The following CSMD1 variants were observed in gnomAD, a reference collection of about 807,000 sequenced individuals.
The protein encoded by CSMD1 is CUB and Sushi multiple domains 1.
Under a neutral mutation model 417.5 loss-of-function variants are expected in CSMD1, and 213 were observed. The observed-to-expected ratio is 0.51, with a 90% CI of 0.46 to 0.57. CSMD1 has a LOEUF of 0.57. Among genes scored for constraint, CSMD1 ranks in the 20% least tolerant of loss-of-function variants. The probability of loss-of-function intolerance (pLI) is 0.00; values close to 1 mark genes in which losing one functional copy is unlikely to be tolerated. For synonymous variants in CSMD1, 2,862 were observed against 1,736.8 expected (o/e 1.65, Z -16.11); for missense variants, 6,923 against 4,529.7 (o/e 1.53, Z -15.17).
chr8:3,531,494 A>G (rs996967100), intron 10 of CSMD1, among the ~76,000 whole-genome samples: 16 of 152,324 alleles, frequency 1.1e-4, no homozygotes, highest in African/African-American at 3.4e-4. Context: ...GAGATTATTG[A>G]AATGCCCCAG....
intron 2 of CSMD1, among the ~76,000 whole-genome samples, chr8:4,629,095 G>C (rs1382257): frequency 0.86 from 131,115 of 152,164 alleles, 56,889 homozygotes; most frequent in African/African-American, 0.96. Context: ...ACTTAGACAT[G>C]TTTGAATTTT....
intron 2 of CSMD1, among the ~76,000 whole-genome samples, chr8:4,598,866 T>C (rs934682315): frequency 6.6e-6 from 1 of 152,136 alleles, no homozygotes; most frequent in East Asian, 1.9e-4. Flanking sequence ...TACTTTTACT[T>C]TTGTAGAAGA....
chr8:4,118,632 A>G (rs1019693278), intron 3 of CSMD1, among the ~76,000 whole-genome samples: 1 of 152,234 alleles, frequency 6.6e-6, no homozygotes, highest in Non-Finnish European at 1.5e-5. Flanking sequence ...AACACATTTT[A>G]CACTGTTGAT....
intron 2 of CSMD1, among the ~76,000 whole-genome samples, chr8:4,466,379 C>A (rs555688040): frequency 1.3e-5 from 2 of 151,894 alleles, no homozygotes; most frequent in Admixed American, 6.6e-5. Context: ...GGAGATGTAT[C>A]GGGGAGTTGA....
At chr8:4,164,895 A>C (rs1189357544) in intron 3 of CSMD1, among the ~76,000 whole-genome samples, 1 of 150,518 alleles carries the variant, frequency 6.6e-6, no homozygotes, top group East Asian at 1.9e-4. Flanking sequence ...AAAAAAATAT[A>C]TATATATGTA....
chr8:3,728,384 T>C (rs981901776), intron 6 of CSMD1, among the ~76,000 whole-genome samples: 10 of 152,170 alleles, frequency 6.6e-5, no homozygotes, highest in Admixed American at 3.3e-4. Flanking sequence ...TTACCCAGTA[T>C]TGGGTATGTC....
At chr8:4,611,690 C>A (rs1391008975) in intron 2 of CSMD1, among the ~76,000 whole-genome samples, 2 of 152,110 alleles carry the variant, frequency 1.3e-5, no homozygotes, top group Admixed American at 1.3e-4. Context: ...GTGTTTTCAT[C>A]ATGACTAAAG....
intron 1 of CSMD1, among the ~76,000 whole-genome samples, chr8:4,845,552 C>T (rs990679805): frequency 2.0e-5 from 3 of 152,210 alleles, no homozygotes; most frequent in East Asian, 1.9e-4. Context: ...CTTTGGCCTA[C>T]GTGGTTTCTT....
chr8:4,745,817 T>A (rs995770492), intron 1 of CSMD1, among the ~76,000 whole-genome samples: 1 of 152,154 alleles, frequency 6.6e-6, no homozygotes, highest in Non-Finnish European at 1.5e-5. Flanking sequence ...CTAGTACAAA[T>A]GAGGGGTGAA....
chr8:3,657,313 C>G (rs1448842719), intron 7 of CSMD1, among the ~76,000 whole-genome samples: 1 of 152,080 alleles, frequency 6.6e-6, no homozygotes, highest in East Asian at 1.9e-4. Context: ...ACAATAGCTA[C>G]AAATAAAATA....
intron 50 of CSMD1, among the ~76,000 whole-genome samples, chr8:3,045,036 T>A (rs1239249274): frequency 6.6e-6 from 1 of 152,180 alleles, no homozygotes; most frequent in Non-Finnish European, 1.5e-5. Flanking sequence ...GAATAAAAAT[T>A]AAATCGGTTT....
intron 10 of CSMD1, among the ~76,000 whole-genome samples, chr8:3,494,618 G>C (rs1003414649): frequency 4.0e-5 from 6 of 151,408 alleles, no homozygotes; most frequent in African/African-American, 1.2e-4. Flanking sequence ...ATGACAGATA[G>C]TAGATAGATG....
chr8:4,655,827 A>G lies in CSMD1; in HGVS notation c.86-18269T>C, dbSNP rs6990840. Among the ~76,000 whole-genome samples, 1,002 of 152,282 alleles carry G rather than the reference A, an allele frequency of 6.6e-3. 16 individuals are homozygous for G. The highest frequency in any genetic ancestry group is 0.023 in the African/African-American group (958 of 41,502). On this transcript the variant is annotated intron_variant, in intron 1 of 69. Coordinates refer to ENST00000635120, the MANE Select transcript of CSMD1 (RefSeq NM_033225.6). Reference sequence around the variant, plus strand: ...GACCTCCAACAACAAAATGTGGATTAGAATTCAGCTAATTCACTTACTGAG... The same window carrying G: ...GACCTCCAACAACAAAATGTGGATTGGAATTCAGCTAATTCACTTACTGAG...
At chr8:3,739,452 C>T (rs2720830) in intron 6 of CSMD1, among the ~76,000 whole-genome samples, 141,977 of 152,270 alleles carry the variant, frequency 0.93, 67,023 homozygotes, top group Non-Finnish European at 1. Flanking sequence ...GTGATGCACC[C>T]GTTAATTACT....
At chr8:3,495,790 T>G (rs7843935) in intron 10 of CSMD1, among the ~76,000 whole-genome samples, 1 of 152,016 alleles carries the variant, frequency 6.6e-6, no homozygotes, top group South Asian at 2.1e-4. Flanking sequence ...TTTAATGACA[T>G]TGAGCCAAAA....
At chr8:3,750,105 C>G (rs201758217) in intron 6 of CSMD1, among the ~76,000 whole-genome samples, 1 of 152,142 alleles carries the variant, frequency 6.6e-6, no homozygotes, top group East Asian at 1.9e-4. Context: ...GCTGGGGAGG[C>G]ATTGAATATG....
chr8:4,459,288 C>T (rs377123384), intron 2 of CSMD1, among the ~76,000 whole-genome samples: 6 of 152,198 alleles, frequency 3.9e-5, no homozygotes, highest in African/African-American at 1.4e-4. Flanking sequence ...CACTTGTGCA[C>T]CAGATGGCAT....
chr8:4,148,651 T>C (rs57196944), intron 3 of CSMD1, among the ~76,000 whole-genome samples: 1 of 152,060 alleles, frequency 6.6e-6, no homozygotes, highest in Non-Finnish European at 1.5e-5. Flanking sequence ...ACCTTGTGGA[T>C]GGCAGAGAGA....
intron 4 of CSMD1, among the ~76,000 whole-genome samples, chr8:4,014,309 G>T (rs941511246): frequency 1.3e-5 from 2 of 152,108 alleles, no homozygotes; most frequent in Non-Finnish European, 2.9e-5. Flanking sequence ...AAGTGAACAT[G>T]GGAAACATTC....
Sources: allele counts gnomAD v4.1 joint callset (sites outside exome capture counted in the v4.1 genomes callset), GRCh38; gene constraint gnomAD v4.1.1; transcripts MANE v1.5; gene names NCBI Gene and HGNC (gene_info 2026-07-23, HGNC 2026-07-21).